Variants in CACNA2D3 observed in about 807,000 individuals in gnomAD.
CACNA2D3 encodes the protein voltage-dependent calcium channel subunit alpha-2/delta-3.
CACNA2D3 carries 60 observed loss-of-function variants against 160.6 expected under a neutral mutation model. The ratio of observed to expected loss-of-function variants is 0.37; its 90% confidence interval spans 0.30 to 0.46. The LOEUF (loss-of-function observed/expected upper bound fraction) is 0.46, where lower values mean the gene tolerates loss of function less well. Ranked by LOEUF, CACNA2D3 falls within the 20% of genes least tolerant of loss-of-function variation. The pLI is 1.00. For synonymous variants in CACNA2D3, 558 were observed against 492.9 expected (o/e 1.13, Z -1.75); for missense variants, 1,205 against 1,365.0 (o/e 0.88, Z 1.85).
intron 11 of CACNA2D3, among the ~76,000 whole-genome samples, chr3:54,721,297 T>C (rs916679434): frequency 6.6e-6 from 1 of 152,216 alleles, no homozygotes; most frequent in Non-Finnish European, 1.5e-5. Flanking sequence ...ATATGGATTT[T>C]CCCCCATTTT....
intron 11 of CACNA2D3, among the ~76,000 whole-genome samples, chr3:54,717,408 T>G (rs1701070136): frequency 6.6e-6 from 1 of 152,202 alleles, no homozygotes; most frequent in Non-Finnish European, 1.5e-5. Flanking sequence ...GCCAAACACC[T>G]TTCCAAAGTA....
At chr3:54,997,112 G>A (rs913527208) in intron 31 of CACNA2D3, among the ~76,000 whole-genome samples, 21 of 152,116 alleles carry the variant, frequency 1.4e-4, no homozygotes, top group African/African-American at 2.4e-4. Context: ...CATGGCACAT[G>A]TATACCTAGG....
intron 11 of CACNA2D3, among the ~76,000 whole-genome samples, chr3:54,726,513 A>G (rs953538770): frequency 4.6e-5 from 7 of 152,226 alleles, no homozygotes; most frequent in Non-Finnish European, 8.8e-5. Context: ...TTCAAACTAT[A>G]CTACAAGACT....
At chr3:54,514,706 G>A (rs941779138) in intron 5 of CACNA2D3, among the ~76,000 whole-genome samples, 3 of 152,102 alleles carry the variant, frequency 2.0e-5, no homozygotes, top group Admixed American at 6.5e-5. Flanking sequence ...GGGTGGCCAC[G>A]GGCAGAGGAC....
intron 12 of CACNA2D3, among the ~76,000 whole-genome samples, chr3:54,758,278 C>G (rs911639763): frequency 1.3e-5 from 2 of 152,156 alleles, no homozygotes; most frequent in African/African-American, 4.8e-5. Context: ...TCTTCTTTTT[C>G]TTGTATTTTT....
At chr3:54,460,178 C>CT (rs1468250135) in intron 4 of CACNA2D3, among the ~76,000 whole-genome samples, 1 of 151,816 alleles carries the variant, frequency 6.6e-6, no homozygotes, top group African/African-American at 2.4e-5. Flanking sequence ...TTACTGTAGC[C>CT]TTGTAGTATA....
intron 2 of CACNA2D3, among the ~76,000 whole-genome samples, chr3:54,233,005 A>G (rs1701804648): frequency 6.6e-6 from 1 of 152,192 alleles, no homozygotes; most frequent in Non-Finnish European, 1.5e-5. Flanking sequence ...GTTATACGCA[A>G]TAAGGTGAAT....
At chr3:54,285,016 G>A (rs1027276558) in intron 2 of CACNA2D3, among the ~76,000 whole-genome samples, 5 of 152,210 alleles carry the variant, frequency 3.3e-5, no homozygotes, top group African/African-American at 9.6e-5. Flanking sequence ...TGCAGAAGAC[G>A]GGTGATTTCT....
At chr3:54,645,130 CAGGAAA>C (rs1699609219) in intron 11 of CACNA2D3, among the ~76,000 whole-genome samples, 15 of 152,182 alleles carry the variant, frequency 9.9e-5, no homozygotes, top group Non-Finnish European at 1.8e-4. Context: ...TGGGAGGCCT[CAGGAAA>C]CTTACAATCA....
In CACNA2D3 at chr3:54,321,871, C is replaced by T. The variant is rs76823671; in HGVS notation, c.321+1313C>T. ...GTCCAGATAAGGTTGTGCCAATTCA[C>T]AGCTGCTCCAGCGACAGTGGTGTGC... On this transcript the variant is annotated intron_variant, in intron 3 of 37. Transcript: ENST00000474759. 8.7e-3 allele frequency among the ~76,000 whole-genome samples: 1,229 copies of T among 140,658 alleles called. 17 individuals are homozygous for T. The highest frequency in any genetic ancestry group is 0.031 in the African/African-American group (1,172 of 37,842). The allele number at this position is 140,658 out of a possible 152,430, so 92.3% of individuals were successfully genotyped here.
chr3:54,332,158 G>GCAGGAA (rs1704281509), intron 3 of CACNA2D3, among the ~76,000 whole-genome samples: 1 of 152,192 alleles, frequency 6.6e-6, no homozygotes, highest in Non-Finnish European at 1.5e-5. Context: ...GCTCACCATG[G>GCAGGAA]CAGGAACGGG....
chr3:54,971,112 C>CAAAA (rs1026101922), intron 29 of CACNA2D3, among the ~76,000 whole-genome samples: 2 of 139,242 alleles, frequency 1.4e-5, no homozygotes, highest in African/African-American at 5.3e-5. Context: ...GTCACAGTAT[C>CAAAA]AAAAAAAAAA....
chr3:54,464,264 C>G (rs1314506020), intron 4 of CACNA2D3, among the ~76,000 whole-genome samples: 1 of 152,230 alleles, frequency 6.6e-6, no homozygotes, highest in Non-Finnish European at 1.5e-5. Flanking sequence ...CTTCTCATAT[C>G]TCCAGCTGCG....
intron 14 of CACNA2D3, among the ~76,000 whole-genome samples, chr3:54,821,648 C>CTT (rs754126074): frequency 6.6e-5 from 3 of 45,642 alleles, no homozygotes; most frequent in Non-Finnish European, 1.6e-4. Context: ...TTCGTTCTTT[C>CTT]TTTCTTTCTT....
chr3:54,855,964 C>G (rs1453555928), intron 17 of CACNA2D3, among the ~76,000 whole-genome samples: 6 of 152,208 alleles, frequency 3.9e-5, no homozygotes, highest in Non-Finnish European at 7.3e-5. Context: ...CCCCTTCCCC[C>G]ACAGAGGGGT....
At chr3:54,969,978 ATC>A in intron 29 of CACNA2D3, 134 bp downstream of exon 29, 2 of 605,196 alleles carry the variant, frequency 3.3e-6, no homozygotes, top group Non-Finnish European at 2.8e-6. Context: ...AAAAAAAAAA[ATC>A]ATTTGCTTTA....
At chr3:54,868,028 G>A (rs1699442020) in intron 17 of CACNA2D3, among the ~76,000 whole-genome samples, 1 of 152,178 alleles carries the variant, frequency 6.6e-6, no homozygotes, top group Non-Finnish European at 1.5e-5. Context: ...GGTGGTGGCA[G>A]GCCAAAGCAT....
At chr3:54,591,261 C>G (rs1246211660) in intron 9 of CACNA2D3, among the ~76,000 whole-genome samples, 4 of 152,168 alleles carry the variant, frequency 2.6e-5, no homozygotes, top group African/African-American at 9.7e-5. Flanking sequence ...GGAGTCATCC[C>G]CTCTCCCCAG....
intron 11 of CACNA2D3, among the ~76,000 whole-genome samples, chr3:54,678,972 C>T (rs190245934): frequency 6.6e-6 from 1 of 152,212 alleles, no homozygotes; most frequent in East Asian, 1.9e-4. Context: ...TAGGTTTCTT[C>T]TTTGTGGAGA....
Sources: gnomAD v4.1 joint callset for allele counts (sites outside exome capture counted in the v4.1 genomes callset) on GRCh38, gnomAD v4.1.1 for gene constraint, MANE v1.5 for transcripts, NCBI Gene and HGNC (gene_info 2026-07-23, HGNC 2026-07-21) for gene names.